The following TRHDE variants were observed in gnomAD, a reference collection of about 807,000 sequenced individuals.
The protein encoded by TRHDE is thyrotropin-releasing hormone-degrading ectoenzyme.
A neutral mutation model predicts 125.7 loss-of-function variants in TRHDE; 72 were observed. The ratio of observed to expected loss-of-function variants is 0.57; its 90% CI spans 0.47 to 0.70. TRHDE has a LOEUF of 0.70. Among genes scored for constraint, TRHDE ranks in the 30% least tolerant of loss-of-function variants. The pLI is 0.00. For synonymous variants in TRHDE, 509 were observed against 509.1 expected (o/e 1.00, Z 0.00); for missense variants, 1,110 against 1,327.1 (o/e 0.84, Z 2.54).
At chr12:72,521,794 C>T (rs1868256899) in intron 6 of TRHDE, among the ~76,000 whole-genome samples, 1 of 152,206 alleles carries the variant, frequency 6.6e-6, no homozygotes, top group South Asian at 2.1e-4. Context: ...GGGTCTGTCA[C>T]AGCAGGAACC....
At chr12:72,123,473 G>A (rs1875639650) in intron 2 of TRHDE, among the ~76,000 whole-genome samples, 2 of 152,046 alleles carry the variant, frequency 1.3e-5, no homozygotes, top group Admixed American at 6.6e-5. Flanking sequence ...CCCAATGTTA[G>A]CATTTTGGCA....
At chr12:72,279,801 C>A (rs1214892840) in intron 1 of TRHDE, among the ~76,000 whole-genome samples, 1 of 152,078 alleles carries the variant, frequency 6.6e-6, no homozygotes, top group Non-Finnish European at 1.5e-5. Flanking sequence ...AGAACTGTGG[C>A]CCCAGTTGTA....
At chr12:72,152,712 A>T (rs544158003) in intron 2 of TRHDE, among the ~76,000 whole-genome samples, 1 of 152,308 alleles carries the variant, frequency 6.6e-6, no homozygotes, top group South Asian at 2.1e-4. Context: ...TGATTTGCAT[A>T]TGTTGAACCA....
At chr12:72,661,605 G>A (rs1230975889) in intron 18 of TRHDE, among the ~76,000 whole-genome samples, 1 of 152,130 alleles carries the variant, frequency 6.6e-6, no homozygotes, top group South Asian at 2.1e-4. Context: ...GTATTCTTGT[G>A]TTAATCAGAT....
chr12:72,301,862 TG>T (rs1459957109), intron 2 of TRHDE, among the ~76,000 whole-genome samples: 4 of 152,076 alleles, frequency 2.6e-5, no homozygotes, highest in Non-Finnish European at 5.9e-5. Context: ...GGATCCTCTA[TG>T]GGGACAGCTT....
intron 2 of TRHDE, among the ~76,000 whole-genome samples, chr12:72,297,614 A>G (rs953875170): frequency 3.3e-5 from 5 of 152,210 alleles, no homozygotes; most frequent in African/African-American, 1.2e-4. Context: ...AGGGCCAGGT[A>G]GAAAATAGGA....
intron 2 of TRHDE, among the ~76,000 whole-genome samples, chr12:72,316,649 T>C (rs985456926): frequency 6.6e-6 from 1 of 152,226 alleles, no homozygotes; most frequent in African/African-American, 2.4e-5. Flanking sequence ...CCATACATGC[T>C]CTTTTGTTTC....
chr12:72,650,923 G>A (rs1410416964), intron 15 of TRHDE, among the ~76,000 whole-genome samples: 1 of 152,114 alleles, frequency 6.6e-6, no homozygotes, highest in Non-Finnish European at 1.5e-5. Context: ...CCTGTGTCAA[G>A]CTGGTCATAA....
intron 2 of TRHDE, among the ~76,000 whole-genome samples, chr12:72,127,086 A>T (rs1875731231): frequency 6.6e-6 from 1 of 152,228 alleles, no homozygotes; most frequent in African/African-American, 2.4e-5. Flanking sequence ...CAACAAACAT[A>T]TGAAAAAATG....
intron 12 of TRHDE, among the ~76,000 whole-genome samples, chr12:72,586,439 G>A (rs896501392): frequency 1.3e-5 from 2 of 152,170 alleles, no homozygotes; most frequent in African/African-American, 4.8e-5. Context: ...CTTATGTGGA[G>A]TGGAGTATCA....
chr12:72,182,240 C>T (rs1877109069), intron 2 of TRHDE, among the ~76,000 whole-genome samples: 1 of 152,152 alleles, frequency 6.6e-6, no homozygotes, highest in East Asian at 1.9e-4. Context: ...ACCCTTTTGG[C>T]TATAACTGGA....
At chr12:72,221,527 T>C (rs983469420) in intron 2 of TRHDE, among the ~76,000 whole-genome samples, 3 of 152,082 alleles carry the variant, frequency 2.0e-5, no homozygotes, top group Admixed American at 2.0e-4. Flanking sequence ...TCCTACTCAT[T>C]ATTAAAATGT....
intron 2 of TRHDE, 60 bp from the exon 3 acceptor site, chr12:72,377,935 G>A: frequency 2.5e-6 from 3 of 1,193,526 alleles, no homozygotes; most frequent in Non-Finnish European, 3.5e-6. Context: ...CATATTTGCA[G>A]GGAAGATAAA....
intron 2 of TRHDE, among the ~76,000 whole-genome samples, chr12:72,108,023 G>A (rs551075925): frequency 6.6e-6 from 1 of 151,972 alleles, no homozygotes; most frequent in Non-Finnish European, 1.5e-5. Context: ...AATATTGCCT[G>A]TATTTCAAAT....
At chr12:72,627,261 A>G (rs1423908560) in intron 15 of TRHDE, among the ~76,000 whole-genome samples, 1 of 151,958 alleles carries the variant, frequency 6.6e-6, no homozygotes, top group Non-Finnish European at 1.5e-5. Context: ...TCAAAATTTC[A>G]CACTCACTCA....
chr12:72,380,551 C>T (rs1872094862), intron 3 of TRHDE, among the ~76,000 whole-genome samples: 1 of 152,112 alleles, frequency 6.6e-6, no homozygotes. Flanking sequence ...AGTGCCTAGA[C>T]ATTGAGGTGA....
In TRHDE at chr12:72,218,616, C is replaced by G. The variant is rs1005771082; in HGVS notation, n.279+112864C>G. ...GCAGGGTTGGTTTCTTCTGGAGGCT[C>G]TAAGGGGGATGCATCTCAGCCCTTT... On this transcript the variant is annotated intron_variant and non_coding_transcript_variant, in intron 2 of 4. Coordinates refer to the TRHDE transcript ENST00000548156. 2.6e-5 allele frequency among the ~76,000 whole-genome samples: 4 copies of G among 152,196 alleles called. No homozygotes were observed. The East Asian group carries it at 5.8e-4, about 22-fold the overall frequency.
intron 18 of TRHDE, among the ~76,000 whole-genome samples, chr12:72,658,434 C>T (rs928839068): frequency 2.0e-5 from 3 of 152,232 alleles, no homozygotes; most frequent in African/African-American, 7.2e-5. Context: ...CTGTTTGCTT[C>T]CTTCGTTCTC....
intron 2 of TRHDE, among the ~76,000 whole-genome samples, chr12:72,205,658 G>A (rs1298872829): frequency 6.6e-6 from 1 of 152,062 alleles, no homozygotes; most frequent in Non-Finnish European, 1.5e-5. Context: ...TATCTTCAAG[G>A]TTCATTCATG....
Sources: gnomAD v4.1 joint callset for allele counts (sites outside exome capture counted in the v4.1 genomes callset) on GRCh38, gnomAD v4.1.1 for gene constraint, MANE v1.5 for transcripts, NCBI Gene and HGNC (gene_info 2026-07-23, HGNC 2026-07-21) for gene names.